Variants in MYO5B observed in about 807,000 individuals in gnomAD.
The protein encoded by MYO5B is myosin VB, also known as unconventional myosin-Vb.
MYO5B carries 143 observed loss-of-function variants against 229.3 expected under a neutral mutation model. That is an observed-to-expected ratio of 0.62 (90% CI 0.54 to 0.72). The LOEUF (loss-of-function observed/expected upper bound fraction) is 0.72. MYO5B is among the 30% of genes least tolerant of loss of function. The pLI is 0.00. For missense variants in MYO5B, 2,321 were observed against 2,331.0 expected (o/e 1.00, Z 0.09); for synonymous variants, 918 against 885.2 (o/e 1.04, Z -0.66).
Position 50,036,935 on chromosome 18 carries a change from T to C in MYO5B, c.370A>G (p.Ile124Val). The C allele has an allele frequency of 2.5e-6, 4 of 1,614,170 alleles. No individual in the cohort carries two copies. Among genetic ancestry groups the C allele is most frequent in the Middle Eastern group, 1.6e-4 (1 of 6,062 alleles). ...EQLPIYGQDV[I>V]YTYSGQNMGD... is the part of the protein sequence containing the mutation. ...ATGTTTTGGCCACTGTAGGTATAGATGACATCTTGTCCATAGATTGGCAAC... is the reference window on the plus strand; with the variant it reads ...ATGTTTTGGCCACTGTAGGTATAGACGACATCTTGTCCATAGATTGGCAAC... The change falls in exon 4 of 40, where the codon ATC becomes GTC. Residue 124 changes from isoleucine (I) to valine (V), a missense_variant. This residue lies in a region of MYO5B where 2,113 missense variants were observed against 2,044.7 expected (regional missense o/e 1.03). Coordinates refer to ENST00000285039, the MANE Select transcript of MYO5B (RefSeq NM_001080467.3).
chr18:49,944,210 C>T (rs764275506), intron 14 of MYO5B, among the ~76,000 whole-genome samples: 4 of 152,182 alleles, frequency 2.6e-5, no homozygotes, highest in African/African-American at 7.2e-5. Flanking sequence ...CACCATTGCA[C>T]TCTATTTTAC....
At chr18:49,977,261 C>T (rs1253434342) in intron 9 of MYO5B, among the ~76,000 whole-genome samples, 2 of 152,066 alleles carry the variant, frequency 1.3e-5, no homozygotes, top group African/African-American at 4.8e-5. Flanking sequence ...TTAAAAATAG[C>T]CAATATAATA....
intron 17 of MYO5B, among the ~76,000 whole-genome samples, chr18:49,924,218 A>G (rs1179779674): frequency 1.3e-5 from 2 of 152,224 alleles, no homozygotes; most frequent in Non-Finnish European, 2.9e-5. Context: ...CATTCTACCC[A>G]GATAGTTACA....
intron 22 of MYO5B, among the ~76,000 whole-genome samples, chr18:49,885,907 A>C (rs1458330877): frequency 6.6e-6 from 1 of 152,170 alleles, no homozygotes; most frequent in Non-Finnish European, 1.5e-5. Context: ...ATACAATACT[A>C]TTAAGGGCTT....
At chr18:50,048,993 G>A (rs2030317489) in intron 2 of MYO5B, among the ~76,000 whole-genome samples, 3 of 146,444 alleles carry the variant, frequency 2.0e-5, no homozygotes, top group Admixed American at 7.0e-5. Flanking sequence ...CTGCACCCCA[G>A]CCTGGGCAAC....
At chr18:50,015,838 G>A (rs549788491) in intron 4 of MYO5B, among the ~76,000 whole-genome samples, 323 of 152,300 alleles carry the variant, frequency 2.1e-3, no homozygotes, top group African/African-American at 7.4e-3. Context: ...GGAGCTCTCT[G>A]GTATGAGCAC....
At chr18:49,921,657 G>A (rs1168179605) in intron 17 of MYO5B, among the ~76,000 whole-genome samples, 1 of 152,176 alleles carries the variant, frequency 6.6e-6, no homozygotes, top group Admixed American at 6.5e-5. Flanking sequence ...CTGCTGTCCT[G>A]CAATGCTGCA....
At chr18:49,836,996 T>C (rs1202764883) in intron 37 of MYO5B, 111 bp from the exon 38 acceptor site, 2 of 1,060,018 alleles carry the variant, frequency 1.9e-6, no homozygotes, top group Admixed American at 2.0e-5. Context: ...ATTATTTATC[T>C]CACACGGTTA....
At chr18:49,934,081 T>G (rs1790780) in intron 16 of MYO5B, among the ~76,000 whole-genome samples, 80,642 of 151,930 alleles carry the variant, frequency 0.53, 21,769 homozygotes, top group Middle Eastern at 0.71. Flanking sequence ...TCGCTATATT[T>G]CCCAGGCCGC....
intron 18 of MYO5B, 134 bp downstream of exon 18, chr18:49,911,928 A>G: frequency 1.3e-6 from 1 of 782,008 alleles, no homozygotes; most frequent in Non-Finnish European, 2.3e-6. Flanking sequence ...GATGTAGGAA[A>G]ATGGATTAAT....
intron 17 of MYO5B, among the ~76,000 whole-genome samples, chr18:49,919,210 C>A (rs1211803787): frequency 6.6e-6 from 1 of 152,168 alleles, no homozygotes; most frequent in Non-Finnish European, 1.5e-5. Flanking sequence ...AGTCCTAAAA[C>A]AGTAAAACTC....
chr18:49,974,798 G>GACACACACACACACACACACACACACAC (rs10680505), intron 9 of MYO5B, among the ~76,000 whole-genome samples, 183 bp from the exon 10 acceptor site: 2,690 of 130,942 alleles, frequency 0.021, 173 homozygotes, highest in East Asian at 0.053. Context: ...CACACACACA[G>GACACACACACACACACACACACACACAC]ACACACACAC....
At chr18:49,826,659 A>C (rs767862584) in intron 39 of MYO5B, 36 bp from the exon 40 acceptor site, 1 of 1,611,136 alleles carries the variant, frequency 6.2e-7, no homozygotes, top group Non-Finnish European at 8.5e-7. Flanking sequence ...AAGTTTGAGT[A>C]CCCCTAAAAA....
At chr18:50,121,408 C>G (rs747146169) in intron 1 of MYO5B, among the ~76,000 whole-genome samples, 26 of 152,212 alleles carry the variant, frequency 1.7e-4, no homozygotes, top group Admixed American at 1.6e-3. Context: ...AATTCCAAGT[C>G]TTGTGTATGT....
At chr18:50,116,125 C>G (rs1054946134) in intron 1 of MYO5B, among the ~76,000 whole-genome samples, 1 of 152,200 alleles carries the variant, frequency 6.6e-6, no homozygotes, top group African/African-American at 2.4e-5. Flanking sequence ...AAGTCTAAGA[C>G]AGACTCCTAA....
At chr18:50,054,608 A>G (rs955327281) in intron 2 of MYO5B, among the ~76,000 whole-genome samples, 7 of 152,202 alleles carry the variant, frequency 4.6e-5, no homozygotes, top group African/African-American at 1.7e-4. Flanking sequence ...AAGGTAAACT[A>G]AATCAGACAT....
chr18:49,910,622 T>C (rs186332720), intron 18 of MYO5B, among the ~76,000 whole-genome samples: 1 of 152,206 alleles, frequency 6.6e-6, no homozygotes, highest in East Asian at 1.9e-4. Flanking sequence ...GGCTCTCTTT[T>C]TAAAAAGGCA....
intron 1 of MYO5B, among the ~76,000 whole-genome samples, chr18:50,153,978 T>C (rs1163911855): frequency 7.9e-5 from 12 of 152,104 alleles, no homozygotes; most frequent in Non-Finnish European, 1.6e-4. Context: ...AAGATGCCAA[T>C]GAAGCTGAAG....
At chr18:49,942,399 A>C (rs1347673947) in intron 14 of MYO5B, among the ~76,000 whole-genome samples, 1 of 141,508 alleles carries the variant, frequency 7.1e-6, no homozygotes, top group African/African-American at 2.6e-5. Context: ...AAAAAAAAAA[A>C]AAAAAACTAC....
Sources: gnomAD v4.1 joint callset for allele counts (sites outside exome capture counted in the v4.1 genomes callset) on GRCh38, gnomAD v4.1.1 for gene constraint, gnomAD v4.1.1 regional missense constraint, MANE v1.5 for transcripts, NCBI Gene and HGNC (gene_info 2026-07-23, HGNC 2026-07-21) for gene names.